ST6GALNAC3: variants seen among roughly 807,000 people sequenced by gnomAD.
ST6GALNAC3 encodes ST6 N-acetylgalactosaminide alpha-2,6-sialyltransferase 3.
Under a neutral mutation model 32.7 loss-of-function variants are expected in ST6GALNAC3, and 25 were observed. The observed-to-expected ratio is 0.76, with a 90% confidence interval of 0.56 to 1.07. The LOEUF is 1.07. ST6GALNAC3 is among the 50% of genes least tolerant of loss of function. ST6GALNAC3 has a pLI of 0.00. For missense variants in ST6GALNAC3, 355 were observed against 382.4 expected (o/e 0.93, Z 0.60); for synonymous variants, 129 against 133.1 (o/e 0.97, Z 0.21).
chr1:76,182,769 G>T (rs1653266957), intron 1 of ST6GALNAC3, among the ~76,000 whole-genome samples: 2 of 152,050 alleles, frequency 1.3e-5, no homozygotes, highest in African/African-American at 2.4e-5. Flanking sequence ...CTTCAGTCTG[G>T]TGTGGTATTT....
intron 1 of ST6GALNAC3, among the ~76,000 whole-genome samples, chr1:76,223,165 G>C (rs1205494373): frequency 6.6e-6 from 1 of 152,064 alleles, no homozygotes; most frequent in Non-Finnish European, 1.5e-5. Context: ...TGGTAGGGTG[G>C]ATAAAGAAAT....
At position 76,412,020 on chromosome 1, in the gene ST6GALNAC3, G is replaced by C; in HGVS notation, c.226G>C (p.Asp76His). Residue 76 changes from aspartate to histidine, a missense_variant, in exon 3 of 5, where the codon GAC (aspartate) becomes CAC (histidine). Asp to His is a moderately conservative substitution (Grantham distance 81). Coordinates refer to ENST00000328299, the MANE Select transcript of ST6GALNAC3 (RefSeq NM_152996.4). ...CTCTATTTTTCAGCCTTTGCAACTG[G>C]ACTGTGACCTTTGTGCCATAGTGTC... Reference protein sequence around the residue: ...NVKTQEPLQLDCDLCAIVSNS... With the variant: ...NVKTQEPLQLHCDLCAIVSNS... The C allele has an allele frequency of 6.2e-7, 1 of 1,612,900 alleles. No homozygotes were observed. The highest frequency in any genetic ancestry group is 1.3e-5 in the African/African-American group (1 of 74,930).
intron 3 of ST6GALNAC3, among the ~76,000 whole-genome samples, chr1:76,554,176 T>G (rs1288513996): frequency 1.3e-5 from 2 of 152,260 alleles, no homozygotes; most frequent in Middle Eastern, 3.4e-3. Flanking sequence ...TGATTAACTA[T>G]GAAGTAATAA....
At chr1:76,222,305 T>C (rs1655819157) in intron 1 of ST6GALNAC3, among the ~76,000 whole-genome samples, 1 of 152,042 alleles carries the variant, frequency 6.6e-6, no homozygotes, top group African/African-American at 2.4e-5. Flanking sequence ...CCTTGGAAGA[T>C]AACCTAGGAA....
intron 3 of ST6GALNAC3, among the ~76,000 whole-genome samples, chr1:76,514,214 T>C (rs1662037846): frequency 6.6e-6 from 1 of 152,198 alleles, no homozygotes; most frequent in Non-Finnish European, 1.5e-5. Context: ...TTGTCATATG[T>C]GGCCTTTCCT....
chr1:76,109,903 A>C (rs1190538536), intron 1 of ST6GALNAC3, among the ~76,000 whole-genome samples: 1 of 152,234 alleles, frequency 6.6e-6, no homozygotes, highest in Non-Finnish European at 1.5e-5. Flanking sequence ...CTACTAACAC[A>C]TTATGAAGGT....
intron 3 of ST6GALNAC3, among the ~76,000 whole-genome samples, chr1:76,513,071 A>G (rs1661968078): frequency 6.6e-6 from 1 of 151,890 alleles, no homozygotes. Context: ...ATTTTCTCCC[A>G]TTCTATAGGT....
chr1:76,187,301 T>C (rs1653616254), intron 1 of ST6GALNAC3, among the ~76,000 whole-genome samples: 3 of 152,340 alleles, frequency 2.0e-5, no homozygotes, highest in Middle Eastern at 3.4e-3. Flanking sequence ...TATAATTGCT[T>C]ACTTGATATT....
chr1:76,494,425 A>ATG (rs1416647700), intron 3 of ST6GALNAC3, among the ~76,000 whole-genome samples: 119 of 89,376 alleles, frequency 1.3e-3, no homozygotes, highest in Admixed American at 4.1e-3. Flanking sequence ...GGATGTGTGC[A>ATG]TGTGTATATA....
At chr1:76,172,242 T>C (rs982466811) in intron 1 of ST6GALNAC3, among the ~76,000 whole-genome samples, 5 of 152,186 alleles carry the variant, frequency 3.3e-5, no homozygotes, top group Non-Finnish European at 7.3e-5. Context: ...AAAAACCACA[T>C]GATTATCTCA....
chr1:76,334,439 G>A (rs186003060), intron 2 of ST6GALNAC3, among the ~76,000 whole-genome samples: 24 of 152,248 alleles, frequency 1.6e-4, no homozygotes, highest in East Asian at 7.7e-4. Flanking sequence ...TCGTTCCCAC[G>A]TATTAAATGC....
intron 2 of ST6GALNAC3, among the ~76,000 whole-genome samples, chr1:76,364,367 G>A (rs1333095798): frequency 6.6e-6 from 1 of 151,996 alleles, no homozygotes; most frequent in African/African-American, 2.4e-5. Context: ...TGGCCAACAT[G>A]GCAAAAACCC....
chr1:76,188,534 T>C (rs1228922111), intron 1 of ST6GALNAC3, among the ~76,000 whole-genome samples: 1 of 152,182 alleles, frequency 6.6e-6, no homozygotes, highest in Non-Finnish European at 1.5e-5. Flanking sequence ...CACTTGGGCC[T>C]GGTCAGTTGA....
intron 3 of ST6GALNAC3, among the ~76,000 whole-genome samples, chr1:76,580,348 G>A (rs1371655389): frequency 6.6e-6 from 1 of 152,114 alleles, no homozygotes; most frequent in African/African-American, 2.4e-5. Flanking sequence ...GGAAATTGCT[G>A]CTACCCTCTC....
intron 1 of ST6GALNAC3, among the ~76,000 whole-genome samples, chr1:76,273,991 T>C (rs906956589): frequency 6.6e-6 from 1 of 152,246 alleles, no homozygotes; most frequent in East Asian, 1.9e-4. Context: ...CACAGAAACT[T>C]TGGAGTATAC....
At chr1:76,400,855 A>G (rs1653359595) in intron 2 of ST6GALNAC3, among the ~76,000 whole-genome samples, 1 of 151,934 alleles carries the variant, frequency 6.6e-6, no homozygotes, top group Non-Finnish European at 1.5e-5. Flanking sequence ...AGATCGCACC[A>G]CTGCACTCCA....
intron 1 of ST6GALNAC3, among the ~76,000 whole-genome samples, chr1:76,246,085 G>A (rs1290748538): frequency 6.6e-6 from 1 of 152,120 alleles, no homozygotes; most frequent in Non-Finnish European, 1.5e-5. Context: ...ATGAATCTGG[G>A]TGCTCCTATG....
intron 2 of ST6GALNAC3, among the ~76,000 whole-genome samples, chr1:76,317,814 T>C (rs544045761): frequency 6.6e-6 from 1 of 152,190 alleles, no homozygotes; most frequent in South Asian, 2.1e-4. Flanking sequence ...TTTACTACTG[T>C]CTAAAGAAAA....
At chr1:76,294,791 G>A (rs1660297552) in intron 1 of ST6GALNAC3, among the ~76,000 whole-genome samples, 1 of 152,016 alleles carries the variant, frequency 6.6e-6, no homozygotes, top group African/African-American at 2.4e-5. Context: ...GCTGCGTTTA[G>A]GCATATAATT....
Sources: gnomAD v4.1 joint callset for allele counts (sites outside exome capture counted in the v4.1 genomes callset) on GRCh38, gnomAD v4.1.1 for gene constraint, MANE v1.5 for transcripts, NCBI Gene and HGNC (gene_info 2026-07-23, HGNC 2026-07-21) for gene names.